Variants in AGO2 observed in about 807,000 individuals in gnomAD.
AGO2 encodes protein argonaute-2.
Under a neutral mutation model 102.3 loss-of-function variants are expected in AGO2, and 5 were observed. The ratio of observed to expected loss-of-function variants is 0.05; its 90% confidence interval spans 0.03 to 0.10. The LOEUF (loss-of-function observed/expected upper bound fraction) is 0.10. Among genes scored for constraint, AGO2 ranks in the 10% least tolerant of loss-of-function variants. The pLI is 1.00. For missense variants in AGO2, 541 were observed against 1,183.7 expected (o/e 0.46, Z 7.97); for synonymous variants, 449 against 473.1 (o/e 0.95, Z 0.66).
intron 1 of AGO2, among the ~76,000 whole-genome samples, chr8:140,612,982 G>A (rs978170497): frequency 6.6e-6 from 1 of 151,772 alleles, no homozygotes; most frequent in Non-Finnish European, 1.5e-5. Flanking sequence ...GGCAGATCAC[G>A]AGGTCAGGAG....
intron 1 of AGO2, among the ~76,000 whole-genome samples, chr8:140,619,597 C>G (rs1000570050): frequency 6.6e-6 from 1 of 152,176 alleles, no homozygotes; most frequent in African/African-American, 2.4e-5. Context: ...GGACCTACCC[C>G]CAGGCAACTC....
intron 1 of AGO2, among the ~76,000 whole-genome samples, chr8:140,594,378 A>G (rs1252200684): frequency 6.6e-6 from 1 of 152,256 alleles, no homozygotes; most frequent in East Asian, 1.9e-4. Flanking sequence ...ATCCACAGAA[A>G]TATTTTAAAA....
intron 10 of AGO2, among the ~76,000 whole-genome samples, chr8:140,551,805 GA>G (rs1158578169): frequency 1.3e-5 from 2 of 151,206 alleles, no homozygotes; most frequent in Non-Finnish European, 3.0e-5. Flanking sequence ...TTGATGGGTG[GA>G]TAAAGTGGGT....
chr8:140,584,149 A>AC (rs917735621), intron 2 of AGO2, among the ~76,000 whole-genome samples: 9 of 151,854 alleles, frequency 5.9e-5, no homozygotes, highest in African/African-American at 1.7e-4. Flanking sequence ...AAAAAAAAAA[A>AC]AAAACAAAAC....
intron 16 of AGO2, among the ~76,000 whole-genome samples, chr8:140,538,387 C>T (rs2072734026): frequency 6.6e-6 from 1 of 152,188 alleles, no homozygotes; most frequent in African/African-American, 2.4e-5. Context: ...TAGGCAGCTA[C>T]CTTGATGTTA....
At chr8:140,618,006 C>CA (rs530736260) in intron 1 of AGO2, among the ~76,000 whole-genome samples, 1,342 of 132,714 alleles carry the variant, frequency 0.01, 12 homozygotes, top group Middle Eastern at 0.039. Context: ...AGACCGTCTA[C>CA]AAAAAAAAAA....
rs763315780 is a variant in AGO2, at chr8:140,562,548, C to T, written c.423G>A (p.Gln141=). The T allele has an allele frequency of 1.2e-6, 2 of 1,614,062 alleles. No individual in the cohort carries two copies. Among genetic ancestry groups the T allele is most frequent in the Non-Finnish European group, 1.7e-6 (2 of 1,180,048 alleles). Residue 141 remains glutamine, a synonymous_variant, in exon 4 of 19, where the codon CAG becomes CAA. Transcript: ENST00000220592. ...GCCCTGAAAGTGCATCGTGTAACGC[C>T]TGCAAGCTCACGCAGGACACCCACT... The part of the protein sequence containing the change: ...SIKWVSCVSL[Q]ALHDALSGRL...
rs551320818 is a variant in AGO2, at chr8:140,544,440, G to A, written c.1749-137C>T. On this transcript the variant is annotated intron_variant, in intron 13 of 18. Transcript: ENST00000220592. ...TGAAAAGAATCCTTATCTTTTAACC[G>A]GAATACTAAAAACCCTGCAGATTAA... 7.3e-4 allele frequency: 524 copies of A among 720,112 alleles called. 3 individuals carry two copies. Among genetic ancestry groups the A allele is most frequent in the South Asian group, 4.2e-4 (23 of 54,238 alleles). The allele number at this position is 720,112 out of a possible 1,614,324, so 44.6% of individuals were successfully genotyped here.
intron 1 of AGO2, among the ~76,000 whole-genome samples, chr8:140,595,982 TAA>T (rs1564107209): frequency 2.8e-4 from 35 of 126,818 alleles, no homozygotes; most frequent in African/African-American, 9.5e-4. Context: ...ATATATTATA[TAA>T]TATATATATT....
At chr8:140,538,763 A>G (rs2072741416) in intron 16 of AGO2, among the ~76,000 whole-genome samples, 1 of 152,212 alleles carries the variant, frequency 6.6e-6, no homozygotes, top group South Asian at 2.1e-4. Flanking sequence ...TAGATAAGTG[A>G]CATCTTGTGC....
intron 1 of AGO2, among the ~76,000 whole-genome samples, chr8:140,602,743 T>G (rs2073948874): frequency 6.6e-6 from 1 of 152,244 alleles, no homozygotes; most frequent in Non-Finnish European, 1.5e-5. Context: ...ACCAGCTATT[T>G]GAAATGTCAA....
At chr8:140,543,396 G>T (rs962836766) in intron 14 of AGO2, among the ~76,000 whole-genome samples, 1 of 152,198 alleles carries the variant, frequency 6.6e-6, no homozygotes, top group African/African-American at 2.4e-5. Context: ...GCTTCCTTGC[G>T]TCCCAGATAG....
chr8:140,559,350 G>A, intron 6 of AGO2, 45 bp downstream of exon 6: 6 of 1,602,624 alleles, frequency 3.7e-6, no homozygotes, highest in Non-Finnish European at 4.3e-6. Context: ...GGACCGGGAA[G>A]GGGCCTCCCA....
At position 140,531,258 on chromosome 8, in the gene AGO2, T is replaced by C. The variant is rs2072590322; in HGVS notation, c.*786A>G. The C allele has an allele frequency of 6.5e-6, 1 of 152,686 alleles. No individual in the cohort carries two copies. The highest frequency in any genetic ancestry group is 1.5e-5 in the Non-Finnish European group (1 of 68,052). 9.5% of individuals were successfully genotyped at this position (152,686 alleles called of 1,614,324 possible). On this transcript the variant is annotated 3_prime_UTR_variant, in exon 19 of 19. Coordinates refer to ENST00000220592, the MANE Select transcript of AGO2 (RefSeq NM_012154.5). The stretch of plus-strand genomic sequence containing the variant: ...TATTTATCACCACAGACCCGTATTC[T>C]TTAAAAACTTTGGAAAATAAATGTC...
At chr8:140,537,822 T>C (rs2072723621) in intron 16 of AGO2, among the ~76,000 whole-genome samples, 1 of 152,116 alleles carries the variant, frequency 6.6e-6, no homozygotes, top group African/African-American at 2.4e-5. Flanking sequence ...TATTTTTGGG[T>C]ATTGTTTTTC....
chr8:140,541,396 A>C, intron 14 of AGO2, 38 bp from the exon 15 acceptor site: 1 of 1,530,968 alleles, frequency 6.5e-7, no homozygotes, highest in Non-Finnish European at 8.7e-7. Flanking sequence ...AGGGGTTCCC[A>C]AAACTTTCCT....
chr8:140,561,407 T>A (rs1429283185), intron 4 of AGO2, among the ~76,000 whole-genome samples: 1 of 152,230 alleles, frequency 6.6e-6, no homozygotes, highest in African/African-American at 2.4e-5. Context: ...CCTCCCTGAT[T>A]ATAAAATTAA....
chr8:140,587,065 C>G lies in AGO2; in HGVS notation c.23-1754G>C, dbSNP rs183162545. 2.1e-3 allele frequency among the ~76,000 whole-genome samples: 316 copies of G among 152,280 alleles called. 3 individuals are homozygous for G. The highest frequency in any genetic ancestry group is 7.2e-3 in the African/African-American group (301 of 41,558). On this transcript the variant is annotated intron_variant, in intron 1 of 18. Coordinates refer to ENST00000220592, the MANE Select transcript of AGO2 (RefSeq NM_012154.5). ...GCTGCTGGGCCGGCTCCAAACCAGG[C>G]CCCTCCACCGGGCCCCCAAGCAGAG...
At position 140,531,547 on chromosome 8, in the gene AGO2, C is replaced by G. The variant is rs1199825690; in HGVS notation, c.*497G>C. 1 of 155,910 alleles carries G rather than the reference C, an allele frequency of 6.4e-6. No homozygotes were observed. The highest frequency in any genetic ancestry group is 2.4e-5 in the African/African-American group (1 of 41,458). The allele number at this position is 155,910 out of a possible 1,614,324, so 9.7% of individuals were successfully genotyped here. A position where few individuals can be genotyped will look rare whatever the true frequency, so the allele number is the denominator to read the frequency against. ...GAACTTGGGTGAGCCACGCCAGGGG[C>G]ACACGAGCATCGCCTGGAAATCAAC... On this transcript the variant is annotated 3_prime_UTR_variant, in exon 19 of 19. Transcript: ENST00000220592.
Sources: allele counts gnomAD v4.1 joint callset (sites outside exome capture counted in the v4.1 genomes callset), GRCh38; gene constraint gnomAD v4.1.1; transcripts MANE v1.5; gene names NCBI Gene and HGNC (gene_info 2026-07-23, HGNC 2026-07-21).